The following LSAMP variants were observed in gnomAD, a reference collection of about 807,000 sequenced individuals.
LSAMP encodes limbic system-associated membrane protein.
A neutral mutation model predicts 38.6 loss-of-function variants in LSAMP; 7 were observed. That is an observed-to-expected ratio of 0.18 (90% confidence interval 0.10 to 0.34). LSAMP has a LOEUF of 0.34. Among genes scored for constraint, LSAMP ranks in the 10% least tolerant of loss-of-function variants. The pLI is 1.00. For missense variants in LSAMP, 313 were observed against 420.0 expected, an observed-to-expected ratio of 0.75 and a Z score of 2.23; for synonymous variants, 154 against 166.8, an observed-to-expected ratio of 0.92 and a Z score of 0.59.
intron 1 of LSAMP, among the ~76,000 whole-genome samples, chr3:116,286,007 G>C (rs1209036494): frequency 6.6e-6 from 1 of 152,190 alleles, no homozygotes; most frequent in African/African-American, 2.4e-5. Flanking sequence ...AAGACTGTGG[G>C]GGAGCCAGTC....
In LSAMP at chr3:115,803,645, G is replaced by C. The variant is rs980039127; in HGVS notation, c.*6672C>G. 2 of 152,086 alleles carry C rather than the reference G, an allele frequency of 1.3e-5. No individual in the cohort carries two copies. Among genetic ancestry groups the C allele is most frequent in the Non-Finnish European group, 1.5e-5 (1 of 68,002 alleles). 9.4% of individuals were successfully genotyped at this position (152,086 alleles called of 1,614,324 possible). ...ATTTTCAGCTTGTCTTCTTTAAATA[G>C]AATTGACTTGTACTTTTTGAAAACA... On this transcript the variant is annotated 3_prime_UTR_variant, in exon 7 of 7. Coordinates refer to ENST00000490035, the MANE Select transcript of LSAMP (RefSeq NM_002338.5).
intron 1 of LSAMP, among the ~76,000 whole-genome samples, chr3:116,241,604 A>T (rs542657917): frequency 1.3e-5 from 2 of 152,272 alleles, no homozygotes; most frequent in Non-Finnish European, 2.9e-5. Context: ...TGGTGTGCAA[A>T]ATGTCTTAGT....
intron 3 of LSAMP, among the ~76,000 whole-genome samples, chr3:115,892,372 A>C (rs990785223): frequency 6.6e-6 from 1 of 151,988 alleles, no homozygotes; most frequent in African/African-American, 2.4e-5. Flanking sequence ...AGTAGAATAG[A>C]CTCTAAACAT....
Position 115,852,504 on chromosome 3 carries a change from G to C in LSAMP, c.628C>G (p.Gln210Glu), listed in dbSNP as rs561352590. 1.2e-6 allele frequency: 2 copies of C among 1,612,720 alleles called. No individual in the cohort carries two copies. Among genetic ancestry groups the C allele is most frequent in the African/African-American group, 1.3e-5 (1 of 74,940 alleles). ...ANEVSSADVK[Q>E]VKVTVNYPPT... ...TCACAGTTCACAGTGACCTTGACTT[G>C]TTTGACATCCGCCGAGGAGACCTCG... Residue 210 changes from glutamine (Q) to glutamate (E), a missense_variant, in exon 4 of 7, where the codon CAA (glutamine) becomes GAA (glutamate). Coordinates refer to ENST00000490035, the MANE Select transcript of LSAMP (RefSeq NM_002338.5).
chr3:115,959,403 C>G (rs1411049592), intron 3 of LSAMP, among the ~76,000 whole-genome samples: 1 of 151,844 alleles, frequency 6.6e-6, no homozygotes. Context: ...GTTCAGTACC[C>G]CTCTTCTTTT....
intron 1 of LSAMP, among the ~76,000 whole-genome samples, chr3:116,193,552 A>T (rs563160766): frequency 2.0e-5 from 3 of 152,248 alleles, no homozygotes; most frequent in Non-Finnish European, 1.5e-5. Flanking sequence ...CAACAAAAAA[A>T]GTATATTTAC....
intron 1 of LSAMP, among the ~76,000 whole-genome samples, chr3:116,277,257 A>G (rs2047067688): frequency 6.6e-6 from 1 of 152,228 alleles, no homozygotes; most frequent in Admixed American, 6.5e-5. Flanking sequence ...GATTCAGATA[A>G]TTAGCTGAAA....
chr3:116,349,526 C>T (rs893112757), intron 1 of LSAMP, among the ~76,000 whole-genome samples: 1 of 151,414 alleles, frequency 6.6e-6, no homozygotes, highest in African/African-American at 2.4e-5. Context: ...CTCACACACA[C>T]ACACACACAC....
chr3:116,006,205 C>T (rs1167563401), intron 3 of LSAMP, among the ~76,000 whole-genome samples: 3 of 152,090 alleles, frequency 2.0e-5, no homozygotes, highest in African/African-American at 7.2e-5. Context: ...AAGGCTGAGG[C>T]TATTATGGTG....
chr3:115,842,726 C>A (rs998733706), intron 4 of LSAMP, 148 bp from the exon 5 acceptor site: 1 of 910,816 alleles, frequency 1.1e-6, no homozygotes, highest in Non-Finnish European at 1.6e-6. Flanking sequence ...ATGTGATCAG[C>A]TCAATGGGGT....
rs1202758790 is a variant in LSAMP, at chr3:115,938,869, G to A, written c.514+80646C>T. Among the ~76,000 whole-genome samples the A allele has an allele frequency of 5.9e-5, 9 of 152,052 alleles. No homozygotes were observed. The East Asian group carries it at 1.7e-3, about 29-fold the overall frequency. On this transcript the variant is annotated intron_variant, in intron 3 of 6. Coordinates refer to ENST00000490035, the MANE Select transcript of LSAMP (RefSeq NM_002338.5). ...CATAAATATCTTCATTAAAAGACAA[G>A]GAATTCATCCATTTCAGTACTATGC...
Position 116,033,990 on chromosome 3 carries a change from C to T in LSAMP, c.389-14350G>A, listed in dbSNP as rs951152602. 5.9e-5 allele frequency among the ~76,000 whole-genome samples: 9 copies of T among 152,188 alleles called. No homozygotes were observed. The East Asian group carries it at 1.4e-3, about 23-fold the overall frequency. ...TTTCCATAGGGTCTGGGCTGGAAAT[C>T]TATAGAGACTACATTTGAGTTTCTA... On this transcript the variant is annotated intron_variant, in intron 2 of 6. Coordinates refer to ENST00000490035, the MANE Select transcript of LSAMP (RefSeq NM_002338.5).
chr3:115,870,655 G>A (rs1936007056), intron 3 of LSAMP, among the ~76,000 whole-genome samples: 1 of 152,158 alleles, frequency 6.6e-6, no homozygotes, highest in African/African-American at 2.4e-5. Flanking sequence ...GCTTCACCAA[G>A]GTGGCCCAAC....
Position 116,117,995 on chromosome 3 carries a change from T to TA in LSAMP, c.156-31440dup, listed in dbSNP as rs537082786. 5.2e-4 allele frequency among the ~76,000 whole-genome samples: 79 copies of TA among 152,326 alleles called. 1 individual carries two copies. The South Asian group carries it at 0.015, about 29-fold the overall frequency. ...ATTTATATTTCTCAAGAAAGAGTCTTACAATACTCTGTAGAGAGGGAAAAT... is the reference window on the plus strand; with the variant it reads ...ATTTATATTTCTCAAGAAAGAGTCTTAACAATACTCTGTAGAGAGGGAAAAT... On this transcript the variant is annotated intron_variant, in intron 1 of 6. Coordinates refer to ENST00000490035, the MANE Select transcript of LSAMP (RefSeq NM_002338.5).
intron 1 of LSAMP, among the ~76,000 whole-genome samples, chr3:116,332,801 A>G (rs2047867756): frequency 1.3e-5 from 2 of 152,138 alleles, no homozygotes; most frequent in Admixed American, 1.3e-4. Flanking sequence ...ATAGAAAAAT[A>G]TATTCCATGA....
At chr3:116,001,443 G>T (rs1939991229) in intron 3 of LSAMP, among the ~76,000 whole-genome samples, 1 of 152,204 alleles carries the variant, frequency 6.6e-6, no homozygotes, top group Admixed American at 6.5e-5. Flanking sequence ...GTCTGCCCAT[G>T]AAGAACTCTG....
intron 3 of LSAMP, among the ~76,000 whole-genome samples, chr3:115,971,068 A>T (rs1244615679): frequency 6.6e-6 from 1 of 152,112 alleles, no homozygotes; most frequent in African/African-American, 2.4e-5. Flanking sequence ...TCAAGTGCTG[A>T]TTCAGATTAT....
In LSAMP at chr3:115,966,418, C is replaced by T. The variant is rs75625368; in HGVS notation, c.514+53097G>A. Reference sequence around the variant, plus strand: ...CTGTGATTCTGAAATTTTTATTAGCCACAGCAGCCTAAACAAATCTTAACC... The same window carrying T: ...CTGTGATTCTGAAATTTTTATTAGCTACAGCAGCCTAAACAAATCTTAACC... On this transcript the variant is annotated intron_variant, in intron 3 of 6. Transcript: ENST00000490035. Among the ~76,000 whole-genome samples, 574 of 152,234 alleles carry T rather than the reference C, an allele frequency of 3.8e-3. 9 individuals are homozygous for T. The highest frequency in any genetic ancestry group is 0.024 in the East Asian group (124 of 5,186).
chr3:116,053,250 G>A (rs190481472), intron 2 of LSAMP, among the ~76,000 whole-genome samples: 1 of 152,322 alleles, frequency 6.6e-6, no homozygotes, highest in East Asian at 1.9e-4. Flanking sequence ...AGCAATGAAT[G>A]CTTAGTGTCA....
Sources: allele counts gnomAD v4.1 joint callset (sites outside exome capture counted in the v4.1 genomes callset), GRCh38; gene constraint gnomAD v4.1.1; transcripts MANE v1.5; gene names NCBI Gene and HGNC (gene_info 2026-07-23, HGNC 2026-07-21).